CBFB: variants seen among roughly 807,000 people sequenced by gnomAD.
The protein encoded by CBFB is core-binding factor subunit beta, also known as CBF-beta.
In CBFB, 9 loss-of-function variants were observed where a neutral mutation model predicts 30.4. That is an observed-to-expected ratio of 0.30 (90% CI 0.18 to 0.52). The LOEUF (loss-of-function observed/expected upper bound fraction) is 0.52, where lower values mean the gene tolerates loss of function less well. Ranked by LOEUF, CBFB falls within the 20% of genes least tolerant of loss-of-function variation. The pLI is 0.97. For synonymous variants in CBFB, 94 were observed against 84.0 expected, an observed-to-expected ratio of 1.12 and a Z score of -0.65; for missense variants, 170 against 244.0, an observed-to-expected ratio of 0.70 and a Z score of 2.02.
At chr16:67,030,950 C>T (rs1452817685) in intron 2 of CBFB, among the ~76,000 whole-genome samples, 1 of 152,154 alleles carries the variant, frequency 6.6e-6, no homozygotes, top group Non-Finnish European at 1.5e-5. Flanking sequence ...ACTCTCTGCT[C>T]GGTGACTTGG....
intron 5 of CBFB, among the ~76,000 whole-genome samples, chr16:67,091,341 A>T (rs1232193317): frequency 6.6e-6 from 1 of 152,246 alleles, no homozygotes; most frequent in East Asian, 1.9e-4. Flanking sequence ...ATAAATGGAA[A>T]TGGGAAGTGA....
chr16:67,078,065 G>A (rs532904307), intron 4 of CBFB, among the ~76,000 whole-genome samples: 1 of 152,330 alleles, frequency 6.6e-6, no homozygotes, highest in South Asian at 2.1e-4. Flanking sequence ...AGCCATTTGA[G>A]CCTACTTTGT....
intron 4 of CBFB, 30 bp downstream of exon 4, chr16:67,066,828 G>A: frequency 1.6e-6 from 2 of 1,261,238 alleles, no homozygotes; most frequent in South Asian, 2.4e-5. Context: ...TATTGAGCAT[G>A]GTCCCTTTAG....
intron 5 of CBFB, among the ~76,000 whole-genome samples, chr16:67,097,110 C>G (rs1962071450): frequency 6.6e-6 from 1 of 152,010 alleles, no homozygotes; most frequent in Non-Finnish European, 1.5e-5. Context: ...TGGCGTGTGC[C>G]TGTGGTCACA....
At chr16:67,072,958 C>T (rs1331161207) in intron 4 of CBFB, among the ~76,000 whole-genome samples, 1 of 152,126 alleles carries the variant, frequency 6.6e-6, no homozygotes, top group Non-Finnish European at 1.5e-5. Flanking sequence ...AACGATCCTC[C>T]TGCCACAGCC....
chr16:67,068,016 T>C (rs1961106463), intron 4 of CBFB, among the ~76,000 whole-genome samples: 3 of 152,148 alleles, frequency 2.0e-5, no homozygotes, highest in African/African-American at 7.2e-5. Flanking sequence ...GAACACAAGG[T>C]AGACTGGCAA....
chr16:67,037,970 G>A (rs939485851), intron 3 of CBFB, among the ~76,000 whole-genome samples: 6 of 151,988 alleles, frequency 3.9e-5, no homozygotes, highest in African/African-American at 1.4e-4. Flanking sequence ...CACCTGGCCT[G>A]GTAAATTTTA....
intron 5 of CBFB, among the ~76,000 whole-genome samples, chr16:67,091,735 T>A (rs1009820484): frequency 5.9e-5 from 9 of 152,166 alleles, no homozygotes; most frequent in African/African-American, 2.2e-4. Flanking sequence ...TTTTTAAAAT[T>A]TTTTTTTAAT....
chr16:67,050,162 TATATC>T (rs926705384), intron 3 of CBFB, among the ~76,000 whole-genome samples: 3 of 148,192 alleles, frequency 2.0e-5, no homozygotes, highest in East Asian at 1.9e-4. Context: ...ATATCATAAA[TATATC>T]ATATATAAAT....
chr16:67,065,314 A>G (rs1489853106), intron 3 of CBFB, among the ~76,000 whole-genome samples: 1 of 152,262 alleles, frequency 6.6e-6, no homozygotes, highest in Non-Finnish European at 1.5e-5. Context: ...ACTGCAGTGC[A>G]TAAAGTATAG....
intron 3 of CBFB, among the ~76,000 whole-genome samples, chr16:67,066,083 GA>G (rs980413642): frequency 8.6e-5 from 13 of 151,898 alleles, no homozygotes; most frequent in South Asian, 2.1e-4. Flanking sequence ...AAAATAAAAA[GA>G]AAAAAAGATT....
intron 3 of CBFB, among the ~76,000 whole-genome samples, chr16:67,054,229 G>A (rs537365171): frequency 4.4e-4 from 67 of 152,108 alleles, no homozygotes; most frequent in African/African-American, 1.5e-3. Flanking sequence ...TATTTGAAGT[G>A]TCTTTATTCT....
chr16:67,083,704 A>G (rs920904345), intron 5 of CBFB, among the ~76,000 whole-genome samples: 1 of 151,466 alleles, frequency 6.6e-6, no homozygotes, highest in Non-Finnish European at 1.5e-5. Flanking sequence ...TTTTCCCCCC[A>G]CTTTTTTAAA....
At chr16:67,044,747 C>G (rs552268758) in intron 3 of CBFB, among the ~76,000 whole-genome samples, 2 of 152,142 alleles carry the variant, frequency 1.3e-5, no homozygotes, top group Non-Finnish European at 2.9e-5. Flanking sequence ...TGTTTATATA[C>G]CATCCACAAT....
rs1222848767 is a variant in CBFB at position 67,029,707 on chromosome 16, CG to C, written c.79-17del. ...GCGCCGCGGATTTGGCTCCTGATTT[CG>C]GGCCGTCTTGCCTTGCAGATTAAGT... On this transcript the variant is annotated intron_variant, in intron 1 of 5. Coordinates refer to ENST00000412916, the MANE Select transcript of CBFB (RefSeq NM_022845.3). 2 of 1,575,568 alleles carry C rather than the reference CG, an allele frequency of 1.3e-6. No homozygotes were observed. Among genetic ancestry groups the C allele is most frequent in the African/African-American group, 2.8e-5 (2 of 71,170 alleles).
At chr16:67,096,201 G>T (rs961057795) in intron 5 of CBFB, among the ~76,000 whole-genome samples, 1 of 151,884 alleles carries the variant, frequency 6.6e-6, no homozygotes, top group African/African-American at 2.4e-5. Context: ...TCTCCCAGCT[G>T]CTTGGGAGGC....
chr16:67,084,941 C>T (rs1451616727), intron 5 of CBFB, among the ~76,000 whole-genome samples: 1 of 152,168 alleles, frequency 6.6e-6, no homozygotes, highest in Admixed American at 6.5e-5. Flanking sequence ...CTGCCTGTCT[C>T]ATATGGTCAT....
intron 3 of CBFB, among the ~76,000 whole-genome samples, chr16:67,054,311 G>GT (rs1255051474): frequency 6.6e-6 from 1 of 152,026 alleles, no homozygotes; most frequent in Non-Finnish European, 1.5e-5. Context: ...AGAAGGCCTT[G>GT]TTTCATTGTC....
At chr16:67,074,749 A>G (rs916222465) in intron 4 of CBFB, among the ~76,000 whole-genome samples, 9 of 152,214 alleles carry the variant, frequency 5.9e-5, no homozygotes, top group African/African-American at 2.2e-4. Flanking sequence ...CAAAAACTTG[A>G]ACAGGACACA....
Sources: allele counts gnomAD v4.1 joint callset (sites outside exome capture counted in the v4.1 genomes callset), GRCh38; gene constraint gnomAD v4.1.1; transcripts MANE v1.5; gene names NCBI Gene and HGNC (gene_info 2026-07-23, HGNC 2026-07-21).